The following ELAC2 variants were observed in gnomAD, a reference collection of about 807,000 sequenced individuals.
ELAC2 encodes zinc phosphodiesterase ELAC protein 2.
In ELAC2, 92 loss-of-function variants were observed where a neutral mutation model predicts 105.2. The observed-to-expected ratio is 0.87, with a 90% CI of 0.74 to 1.04. The LOEUF (loss-of-function observed/expected upper bound fraction) is 1.04. Among genes scored for constraint, ELAC2 ranks in the 50% least tolerant of loss-of-function variants. The pLI is 0.00. For missense variants in ELAC2, 1,099 were observed against 1,071.7 expected, an observed-to-expected ratio of 1.03 and a Z score of -0.36; for synonymous variants, 468 against 409.1, an observed-to-expected ratio of 1.14 and a Z score of -1.74.
At chr17:13,000,307 G>C in intron 14 of ELAC2, 33 bp from the exon 15 acceptor site, 1 of 1,597,698 alleles carries the variant, frequency 6.3e-7, no homozygotes, top group Non-Finnish European at 8.6e-7. Context: ...CTCAGGTGAC[G>C]GACAGGGTAT....
At position 13,013,269 on chromosome 17, in the gene ELAC2, C is replaced by T. The variant is rs763584078; in HGVS notation, c.497G>A (p.Arg166Gln). The change falls in exon 6 of 24, where the codon CGG (arginine) becomes CAG (glutamine). Residue 166 changes from arginine to glutamine, a missense_variant. By Grantham distance (43) the Arg-to-Gln change is conservative (BLOSUM62 1). Coordinates refer to ENST00000338034, the MANE Select transcript of ELAC2 (RefSeq NM_018127.7). ...GPLKGIELAVRPHSAPEYEDE... is the reference protein window; with the variant it reads ...GPLKGIELAVQPHSAPEYEDE... ...CTCGTATTCTGGGGCAGAGTGGGGC[C>T]GCACAGCTACAAGAAAACCACACAA... The T allele has an allele frequency of 2.5e-5, 40 of 1,614,010 alleles. No homozygotes were observed. Among genetic ancestry groups the T allele is most frequent in the Non-Finnish European group, 3.4e-5 (40 of 1,180,016 alleles).
Position 13,016,843 on chromosome 17 carries a change from C to T in ELAC2, c.367+19G>A, listed in dbSNP as rs766210279. On this transcript the variant is annotated intron_variant, in intron 3 of 23. Transcript: ENST00000338034. The stretch of plus-strand genomic sequence containing the variant: ...AGAGACTTCCCACCAGCCTCTGACA[C>T]TGCAAAGAATATACTCACCACTTAA... The T allele has an allele frequency of 1.9e-6, 3 of 1,613,320 alleles. No individual in the cohort carries two copies. The highest frequency in any genetic ancestry group is 2.5e-6 in the Non-Finnish European group (3 of 1,179,582).
At position 12,992,909 on chromosome 17, in the gene ELAC2, C is replaced by T. The variant is rs888296975; in HGVS notation, c.2390G>A (p.Arg797Lys). The change falls in exon 24 of 24, where the codon AGG (arginine) becomes AAG (lysine). Residue 797 changes from arginine (R) to lysine (K), a missense_variant. Coordinates refer to ENST00000338034, the MANE Select transcript of ELAC2 (RefSeq NM_018127.7). ...ATCCTCCAGGCCGCCTGCCAGCTCC[C>T]TGGACAGGAGGGCCGCCCGCACCTG... ...LRQVRAALLS[R>K]ELAGGLEDGE... is the part of the protein sequence containing the mutation. The T allele has an allele frequency of 3.7e-6, 6 of 1,612,050 alleles. No homozygotes were observed. Among genetic ancestry groups the T allele is most frequent in the Middle Eastern group, 3.3e-4 (2 of 6,062 alleles).
rs376222314 is a variant in ELAC2 at position 12,993,059 on chromosome 17, T to C, written c.2254-14A>G. On this transcript the variant is annotated splice_polypyrimidine_tract_variant and intron_variant, in intron 23 of 23. Transcript: ENST00000338034. Reference sequence around the variant, plus strand: ...TCCAAAGCAGACCTAGAAGACACAATAGAAGACAAGGACATGTCTCAGAGG... The same window carrying C: ...TCCAAAGCAGACCTAGAAGACACAACAGAAGACAAGGACATGTCTCAGAGG... 73 of 1,600,264 alleles carry C rather than the reference T, an allele frequency of 4.6e-5. No individual in the cohort carries two copies. Among genetic ancestry groups the C allele is most frequent in the Middle Eastern group, 1.6e-4 (1 of 6,080 alleles).
rs374401490 is a variant in ELAC2 at position 12,993,672 on chromosome 17, G to A, written c.2253+15C>T. 6.1e-5 allele frequency: 99 copies of A among 1,613,950 alleles called. No individual in the cohort carries two copies. Among genetic ancestry groups the A allele is most frequent in the East Asian group, 1.1e-4 (5 of 44,892 alleles). ...GCCCCGTCCCCGCCCTGTGCTGTCC[G>A]TGTGACATACAGACCTTCATGTGGT... On this transcript the variant is annotated intron_variant, in intron 23 of 23. Coordinates refer to ENST00000338034, the MANE Select transcript of ELAC2 (RefSeq NM_018127.7).
chr17:13,017,783 T>TG lies in ELAC2; in HGVS notation c.164dup (p.Asn56LysfsTer12). ...CCACCACCTGCAGGTACACGGTGTTTGGGCCGCCGGAGCACCCCGACGGTC... is the reference window on the plus strand; with the variant it reads ...CCACCACCTGCAGGTACACGGTGTTTGGGGCCGCCGGAGCACCCCGACGGTC... On this transcript the variant is annotated frameshift_variant, in exon 1 of 24. Transcript: ENST00000338034. LOFTEE classifies it high-confidence loss of function. The TG allele has an allele frequency of 6.2e-7, 1 of 1,609,808 alleles. No individual in the cohort carries two copies. The highest frequency in any genetic ancestry group is 8.5e-7 in the Non-Finnish European group (1 of 1,178,660).
chr17:13,013,381 T>C (rs1014985833), intron 5 of ELAC2, 106 bp from the exon 6 acceptor site: 38 of 1,218,810 alleles, frequency 3.1e-5, no homozygotes, highest in Admixed American at 5.9e-5. Context: ...CTCAGAATTA[T>C]GGTGGGAATC....
At chr17:13,009,655 C>A (rs1015886469) in intron 8 of ELAC2, among the ~76,000 whole-genome samples, 1 of 152,122 alleles carries the variant, frequency 6.6e-6, no homozygotes, top group East Asian at 1.9e-4. Flanking sequence ...CAGCTGCCTT[C>A]AATAATTTCT....
In ELAC2 at chr17:12,998,482, T is replaced by A. The variant is rs1418839574; in HGVS notation, c.1450A>T (p.Ile484Phe). ...AEKRSQYPEI[I>F]FLGTGSAIPM... is the part of the protein sequence containing the mutation. Reference sequence around the variant, plus strand: ...ATGGCAGACCCTGTTCCAAGGAAGATGATTTCTGGGTACTGACTTCTTTTC... The same window carrying A: ...ATGGCAGACCCTGTTCCAAGGAAGAAGATTTCTGGGTACTGACTTCTTTTC... Residue 484 changes from isoleucine to phenylalanine, a missense_variant, in exon 16 of 24, where the codon ATC becomes TTC. Transcript: ENST00000338034. 1.2e-6 allele frequency: 2 copies of A among 1,614,118 alleles called. No individual in the cohort carries two copies. The highest frequency in any genetic ancestry group is 1.7e-6 in the Non-Finnish European group (2 of 1,180,030).
chr17:13,017,421 G>A (rs2041803870), intron 1 of ELAC2: 1 of 646,066 alleles, frequency 1.5e-6, no homozygotes, highest in Non-Finnish European at 2.6e-6. Flanking sequence ...GCCTTGGGGT[G>A]CACGGAAGAG....
intron 4 of ELAC2, among the ~76,000 whole-genome samples, chr17:13,015,244 A>C (rs1244393862): frequency 1.3e-5 from 2 of 152,242 alleles, no homozygotes; most frequent in African/African-American, 4.8e-5. Context: ...GGAAGGCCTC[A>C]ATAAGAGACA....
At chr17:12,996,422 C>A in intron 17 of ELAC2, 125 bp downstream of exon 17, 1 of 1,450,026 alleles carries the variant, frequency 6.9e-7, no homozygotes, top group Non-Finnish European at 9.6e-7. Flanking sequence ...CATTTCCTAG[C>A]CAGAGATGAG....
chr17:13,002,206 T>C (rs2040846136), intron 14 of ELAC2, 68 bp downstream of exon 14: 2 of 1,520,726 alleles, frequency 1.3e-6, no homozygotes, highest in Non-Finnish European at 1.8e-6. Context: ...ACATTTACTA[T>C]GTGGCTATTT....
intron 15 of ELAC2, 88 bp downstream of exon 15, chr17:13,000,068 G>T: frequency 1.6e-6 from 2 of 1,217,006 alleles, no homozygotes; most frequent in Non-Finnish European, 2.4e-6. Flanking sequence ...GTTAGAATGC[G>T]CCCCACCAGC....
At chr17:13,015,676 G>C in intron 4 of ELAC2, 92 bp downstream of exon 4, 1 of 1,047,324 alleles carries the variant, frequency 9.5e-7, no homozygotes, top group Non-Finnish European at 1.5e-6. Context: ...ATCTCTGGAG[G>C]GCAGAAGACT....
At chr17:13,000,479 A>AGGGCCCTGGCCTC (rs1451031752) in intron 14 of ELAC2, 1 of 619,570 alleles carries the variant, frequency 1.6e-6, no homozygotes, top group Non-Finnish European at 2.9e-6. Flanking sequence ...AGGGCCAGTC[A>AGGGCCCTGGCCTC]ACGGGGAACT....
intron 1 of ELAC2, chr17:13,017,486 G>A (rs2041809004): frequency 2.0e-6 from 2 of 1,012,394 alleles, no homozygotes. Flanking sequence ...TTGGGAAAAG[G>A]ACGCTCAGAC....
chr17:13,017,624 G>GCCCT (rs1222376035), intron 1 of ELAC2, 79 bp downstream of exon 1: 1 of 1,604,436 alleles, frequency 6.2e-7, no homozygotes, highest in Non-Finnish European at 8.5e-7. Context: ...GGAAGCCGAA[G>GCCCT]CCCTGGGAGG....
chr17:13,006,041 A>T, intron 8 of ELAC2, 62 bp from the exon 9 acceptor site: 1 of 1,505,912 alleles, frequency 6.6e-7, no homozygotes, highest in Non-Finnish European at 9.2e-7. Flanking sequence ...GTTTTAATCA[A>T]TTTTCTTAGA....
Sources: allele counts gnomAD v4.1 joint callset (sites outside exome capture counted in the v4.1 genomes callset), GRCh38; gene constraint gnomAD v4.1.1; transcripts MANE v1.5; gene names NCBI Gene and HGNC (gene_info 2026-07-23, HGNC 2026-07-21).